Variants in ZNF536 observed in about 807,000 individuals in gnomAD.
ZNF536 encodes the protein zinc finger protein 536.
A neutral mutation model predicts 84.5 loss-of-function variants in ZNF536; 13 were observed. That is an observed-to-expected ratio of 0.15 (90% CI 0.10 to 0.24). ZNF536 has a LOEUF of 0.24. Among genes scored for constraint, ZNF536 ranks in the 10% least tolerant of loss-of-function variants. The probability of loss-of-function intolerance (pLI) is 1.00; values close to 1 mark genes in which losing one functional copy is unlikely to be tolerated. For synonymous variants in ZNF536, 811 were observed against 742.5 expected, an observed-to-expected ratio of 1.09 and a Z score of -1.50; for missense variants, 1,536 against 1,747.5, an observed-to-expected ratio of 0.88 and a Z score of 2.16.
intron 1 of ZNF536, among the ~76,000 whole-genome samples, chr19:30,240,591 G>A (rs775462763): frequency 1.3e-5 from 2 of 152,158 alleles, no homozygotes; most frequent in African/African-American, 2.4e-5. Context: ...CCACTGGCCC[G>A]CACATGAACT....
chr19:30,236,402 G>A (rs916138856), intron 1 of ZNF536, among the ~76,000 whole-genome samples: 2 of 152,018 alleles, frequency 1.3e-5, no homozygotes, highest in African/African-American at 4.8e-5. Context: ...TTTATTTTCC[G>A]TGTGATTTTT....
intron 1 of ZNF536, among the ~76,000 whole-genome samples, chr19:30,275,379 G>T (rs575678006): frequency 1.1e-4 from 17 of 152,338 alleles, no homozygotes; most frequent in African/African-American, 3.4e-4. Flanking sequence ...CTGGGGAGTA[G>T]GAACCCAGGT....
At chr19:30,372,829 G>C (rs1178916898) in intron 1 of ZNF536, among the ~76,000 whole-genome samples, 213 of 143,824 alleles carry the variant, frequency 1.5e-3, no homozygotes, top group Non-Finnish European at 2.4e-3. Flanking sequence ...TCCATCACCC[G>C]CCCCCCCCAT....
At chr19:30,591,676 C>G (rs1303856557) in intron 1 of ZNF536, among the ~76,000 whole-genome samples, 1 of 152,204 alleles carries the variant, frequency 6.6e-6, no homozygotes, top group Non-Finnish European at 1.5e-5. Flanking sequence ...TCACAGTGTC[C>G]TTTCTCTCTG....
intron 2 of ZNF536, among the ~76,000 whole-genome samples, chr19:30,330,238 T>A (rs1347475880): frequency 6.6e-6 from 1 of 152,186 alleles, no homozygotes; most frequent in African/African-American, 2.4e-5. Flanking sequence ...AATTCGATCA[T>A]GTAGAAGTTT....
At chr19:30,645,782 G>A (rs979143356) in intron 1 of ZNF536, among the ~76,000 whole-genome samples, 17 of 152,296 alleles carry the variant, frequency 1.1e-4, no homozygotes, top group African/African-American at 3.4e-4. Context: ...CCCACTTAGC[G>A]GATGGCGCCA....
chr19:30,423,938 T>A (rs531999062), intron 1 of ZNF536, among the ~76,000 whole-genome samples: 49 of 152,128 alleles, frequency 3.2e-4, no homozygotes, highest in Middle Eastern at 3.4e-3. Flanking sequence ...GGGTCAAGCA[T>A]GGTGTCTTGA....
At chr19:30,638,364 G>C (rs891306540) in intron 1 of ZNF536, among the ~76,000 whole-genome samples, 1 of 152,150 alleles carries the variant, frequency 6.6e-6, no homozygotes, top group Admixed American at 6.5e-5. Context: ...AGTCCTGTAG[G>C]CTGTACAGGA....
intron 2 of ZNF536, among the ~76,000 whole-genome samples, chr19:30,296,618 G>C (rs1403445614): frequency 6.6e-6 from 1 of 152,202 alleles, no homozygotes. Flanking sequence ...TGGAAGGCTG[G>C]CTTGGACAGC....
chr19:30,324,160 C>A (rs1180692491), intron 2 of ZNF536, among the ~76,000 whole-genome samples: 1 of 151,928 alleles, frequency 6.6e-6, no homozygotes, highest in Non-Finnish European at 1.5e-5. Context: ...CATCCATCCA[C>A]CCATCCATTC....
At chr19:30,626,175 C>T (rs2147187612) in intron 1 of ZNF536, among the ~76,000 whole-genome samples, 1 of 152,322 alleles carries the variant, frequency 6.6e-6, no homozygotes, top group Non-Finnish European at 1.5e-5. Context: ...TGATAAATAA[C>T]TCACAGGTGT....
chr19:30,334,540 G>A (rs1416546697), intron 2 of ZNF536, among the ~76,000 whole-genome samples: 1 of 152,134 alleles, frequency 6.6e-6, no homozygotes, highest in Non-Finnish European at 1.5e-5. Context: ...ATCGCTGGGA[G>A]CCCACATTTT....
intron 2 of ZNF536, among the ~76,000 whole-genome samples, chr19:30,470,969 T>C (rs2053608579): frequency 6.7e-6 from 1 of 150,138 alleles, no homozygotes; most frequent in East Asian, 2.0e-4. Context: ...AGTACAGGCA[T>C]GAGCCACTGC....
intron 1 of ZNF536, among the ~76,000 whole-genome samples, chr19:30,592,961 A>G (rs1376223898): frequency 6.6e-6 from 1 of 152,222 alleles, no homozygotes; most frequent in African/African-American, 2.4e-5. Flanking sequence ...CATTCATACC[A>G]TTTAGAAGCC....
chr19:30,574,529 C>G lies in ZNF536; in HGVS notation c.169+25015C>G, dbSNP rs181882664. Among the ~76,000 whole-genome samples the G allele has an allele frequency of 1.3e-3, 191 of 152,362 alleles. 2 individuals carry two copies. The highest frequency in any genetic ancestry group is 4.5e-3 in the African/African-American group (189 of 41,584). On this transcript the variant is annotated intron_variant, in intron 1 of 1. Coordinates refer to the ZNF536 transcript ENST00000592773. ...TCTTTCCCTCACTGATGCCCAAGGT[C>G]CAGCCAAAGACATTGGGCTTGAATA...
intron 1 of ZNF536, among the ~76,000 whole-genome samples, chr19:30,579,147 C>A (rs943913643): frequency 6.6e-6 from 1 of 152,130 alleles, no homozygotes; most frequent in African/African-American, 2.4e-5. Context: ...AAATCACTAT[C>A]TGTGTTCTAT....
At chr19:30,261,373 T>C (rs1385918381) in intron 1 of ZNF536, among the ~76,000 whole-genome samples, 1 of 149,718 alleles carries the variant, frequency 6.7e-6, no homozygotes, top group East Asian at 2.0e-4. Flanking sequence ...ATGCTATTGC[T>C]TAAGGTGAGG....
At chr19:30,429,279 C>T (rs1402691916) in intron 1 of ZNF536, among the ~76,000 whole-genome samples, 6 of 152,178 alleles carry the variant, frequency 3.9e-5, no homozygotes, top group Admixed American at 6.5e-5. Context: ...GGGAATGTTG[C>T]CCTGGTGGAT....
intron 1 of ZNF536, among the ~76,000 whole-genome samples, chr19:30,412,317 A>G (rs780691582): frequency 2.0e-5 from 3 of 151,934 alleles, no homozygotes; most frequent in Admixed American, 6.6e-5. Context: ...AATAATTCCA[A>G]TGTTTTGCCA....
Sources: gnomAD v4.1 joint callset for allele counts (sites outside exome capture counted in the v4.1 genomes callset) on GRCh38, gnomAD v4.1.1 for gene constraint, MANE v1.5 for transcripts, NCBI Gene and HGNC (gene_info 2026-07-23, HGNC 2026-07-21) for gene names.